Variants in NDE1 observed in about 807,000 individuals in gnomAD.
NDE1 encodes the protein nudE neurodevelopment protein 1.
Under a neutral mutation model 43.4 loss-of-function variants are expected in NDE1, and 28 were observed. The observed-to-expected ratio is 0.65, with a 90% CI of 0.48 to 0.89. The LOEUF (loss-of-function observed/expected upper bound fraction) is 0.89. Among genes scored for constraint, NDE1 ranks in the 40% least tolerant of loss-of-function variants. The pLI, the probability that NDE1 is intolerant of heterozygous loss-of-function variation, is 0.00. For missense variants in NDE1, 441 were observed against 434.1 expected (o/e 1.02, Z -0.14); for synonymous variants, 184 against 172.0 (o/e 1.07, Z -0.55).
intron 3 of NDE1, among the ~76,000 whole-genome samples, chr16:15,668,725 G>T (rs550490120): frequency 6.6e-6 from 1 of 152,302 alleles, no homozygotes; most frequent in East Asian, 1.9e-4. Context: ...AGCCACGTGT[G>T]GCCAGTGAGT....
rs1047785977 is a variant in NDE1, at chr16:15,706,358, C to G, written c.947+9498C>G. ...CAGAGGAGCAGCAGTTTGACTGTTC[C>G]CTGTACGCTCCCCACACAGCTCTCT... On this transcript the variant is annotated intron_variant, in intron 8 of 8. Coordinates refer to ENST00000396354, the MANE Select transcript of NDE1 (RefSeq NM_017668.3). Among the ~76,000 whole-genome samples the G allele has an allele frequency of 2.6e-5, 4 of 152,232 alleles. No homozygotes were observed. The Middle Eastern group carries it at 0.01, about 388-fold the overall frequency.
In NDE1 at chr16:15,724,380, G is replaced by A. The variant is rs761097049; in HGVS notation, c.*129G>A. 3 of 1,613,972 alleles carry A rather than the reference G, an allele frequency of 1.9e-6. No individual in the cohort carries two copies. Among genetic ancestry groups the A allele is most frequent in the East Asian group, 2.2e-5 (1 of 44,888 alleles). ...CCAGAGCTTCCACGGTGCTGGCAAAGTCCTGCAGCTTCTTCTTCGAGTCGG... is the reference window on the plus strand; with the variant it reads ...CCAGAGCTTCCACGGTGCTGGCAAAATCCTGCAGCTTCTTCTTCGAGTCGG... On this transcript the variant is annotated 3_prime_UTR_variant, in exon 9 of 9. Coordinates refer to ENST00000396354, the MANE Select transcript of NDE1 (RefSeq NM_017668.3).
chr16:15,719,167 C>T (rs1419423420), intron 8 of NDE1: 6 of 1,532,562 alleles, frequency 3.9e-6, no homozygotes, highest in African/African-American at 1.4e-5. Flanking sequence ...GAGGATGCTG[C>T]CTGTCCCCCC....
intron 4 of NDE1, chr16:15,686,248 G>A (rs914137828): frequency 1.6e-4 from 77 of 490,932 alleles, no homozygotes; most frequent in Non-Finnish European, 1.9e-4. Context: ...CACCGTGTCC[G>A]GGCCTGTATG....
At chr16:15,674,643 T>C (rs1266944279) in intron 3 of NDE1, among the ~76,000 whole-genome samples, 2 of 152,190 alleles carry the variant, frequency 1.3e-5, no homozygotes, top group Non-Finnish European at 2.9e-5. Context: ...AATTGACTGT[T>C]GTGTAAACCA....
At position 15,721,652 on chromosome 16, in the gene NDE1, G is replaced by C. The variant is rs757817866; in HGVS notation, c.948-2539G>C. 1 of 1,613,910 alleles carries C rather than the reference G, an allele frequency of 6.2e-7. No homozygotes were observed. The highest frequency in any genetic ancestry group is 8.5e-7 in the Non-Finnish European group (1 of 1,179,818). On this transcript the variant is annotated intron_variant, in intron 8 of 8. Coordinates refer to ENST00000396354, the MANE Select transcript of NDE1 (RefSeq NM_017668.3). ...GCTAACAACTACAACACAAGACCCA[G>C]AGGTGACTTCTAGGCATATCCGGGG...
chr16:15,645,418 C>T (rs372285855), upstream of NDE1, among the ~76,000 whole-genome samples: 30 of 152,166 alleles, frequency 2.0e-4, no homozygotes, highest in African/African-American at 7.0e-4. Context: ...CCCCTTGAGG[C>T]TTGGTGTTTA....
Position 15,697,163 on chromosome 16 carries a change from C to T in NDE1, c.947+303C>T. 4 of 677,224 alleles carry T rather than the reference C, an allele frequency of 5.9e-6. No homozygotes were observed. In the South Asian group the frequency reaches 2.7e-4, roughly 45 times the overall value. 42.0% of individuals were successfully genotyped at this position (677,224 alleles called of 1,614,324 possible). On this transcript the variant is annotated intron_variant, in intron 8 of 8. Coordinates refer to ENST00000396354, the MANE Select transcript of NDE1 (RefSeq NM_017668.3). Reference sequence around the variant, plus strand: ...GCTCAAACGATCCTCCCACCTCAGTCCCCCGAGTAGCTGGGAGTACAGGTG... The same window carrying T: ...GCTCAAACGATCCTCCCACCTCAGTTCCCCGAGTAGCTGGGAGTACAGGTG...
At chr16:15,712,184 A>G (rs1211930812) in intron 8 of NDE1, among the ~76,000 whole-genome samples, 1 of 152,190 alleles carries the variant, frequency 6.6e-6, no homozygotes, top group Non-Finnish European at 1.5e-5. Context: ...CTTGGGGTGC[A>G]GCATGTTTGG....
chr16:15,701,256 G>C (rs116112676), intron 8 of NDE1: 2 of 149,778 alleles, frequency 1.3e-5, no homozygotes, highest in Non-Finnish European at 3.0e-5. Context: ...AAAAAAAGGT[G>C]TCATAAACCT....
At chr16:15,699,890 C>G (rs1463578338) in intron 8 of NDE1, 2 of 1,286,930 alleles carry the variant, frequency 1.6e-6, no homozygotes, top group Non-Finnish European at 2.0e-6. Context: ...TCTTTTTACA[C>G]TAGGTTTTTG....
intron 1 of NDE1, among the ~76,000 whole-genome samples, chr16:15,656,787 C>T (rs555552216): frequency 2.6e-5 from 4 of 152,146 alleles, no homozygotes; most frequent in Admixed American, 6.5e-5. Context: ...GTGATCTACC[C>T]GCTGTGGCCT....
chr16:15,674,555 T>C (rs2037769451), intron 3 of NDE1, among the ~76,000 whole-genome samples: 1 of 152,118 alleles, frequency 6.6e-6, no homozygotes, highest in South Asian at 2.1e-4. Context: ...GGCCTGTCTT[T>C]GTTTTTAAAC....
intron 3 of NDE1, among the ~76,000 whole-genome samples, chr16:15,676,517 TTA>T (rs1444790936): frequency 3.9e-5 from 6 of 152,012 alleles, no homozygotes; most frequent in Admixed American, 6.6e-5. Context: ...TGGCCTGTCT[TTA>T]TGTTTTTAAA....
At chr16:15,669,201 GT>G (rs1039873341) in intron 3 of NDE1, among the ~76,000 whole-genome samples, 20 of 122,430 alleles carry the variant, frequency 1.6e-4, no homozygotes, top group African/African-American at 4.0e-4. Context: ...TGCCCAGCCT[GT>G]TTTTTTTTTG....
At chr16:15,704,490 A>G (rs901129960) in intron 8 of NDE1, among the ~76,000 whole-genome samples, 2 of 152,236 alleles carry the variant, frequency 1.3e-5, no homozygotes, top group African/African-American at 2.4e-5. Flanking sequence ...CCAAAAACCA[A>G]GCAGGGGATT....
At chr16:15,700,245 C>G in intron 8 of NDE1, 2 of 298,274 alleles carry the variant, frequency 6.7e-6, no homozygotes, top group Non-Finnish European at 1.0e-5. Context: ...TACAGGCACC[C>G]ACCACCACAC....
At chr16:15,684,523 G>A (rs1299603679) in intron 4 of NDE1, 1 of 150,638 alleles carries the variant, frequency 6.6e-6, no homozygotes, top group East Asian at 1.9e-4. Flanking sequence ...AACCCCGGAG[G>A]CAGAGGTTGC....
At chr16:15,715,430 A>G (rs996253244) in intron 8 of NDE1, among the ~76,000 whole-genome samples, 20 of 152,192 alleles carry the variant, frequency 1.3e-4, no homozygotes, top group Non-Finnish European at 4.4e-5. Flanking sequence ...CAGCCATGAA[A>G]AGGAATAAAG....
Sources: allele counts gnomAD v4.1 joint callset (sites outside exome capture counted in the v4.1 genomes callset), GRCh38; gene constraint gnomAD v4.1.1; transcripts MANE v1.5; gene names NCBI Gene and HGNC (gene_info 2026-07-23, HGNC 2026-07-21).